The following ADCK1 variants were observed in gnomAD, a reference collection of about 807,000 sequenced individuals.
The protein encoded by ADCK1 is aarF domain containing kinase 1.
A neutral mutation model predicts 52.3 loss-of-function variants in ADCK1; 41 were observed. The observed-to-expected ratio is 0.78, with a 90% confidence interval of 0.61 to 1.02. ADCK1 has a LOEUF of 1.02. Among genes scored for constraint, ADCK1 ranks in the 50% least tolerant of loss-of-function variants. The pLI is 0.00. For synonymous variants in ADCK1, 250 were observed against 274.6 expected (o/e 0.91, Z 0.89); for missense variants, 658 against 679.5 (o/e 0.97, Z 0.35).
In ADCK1 at chr14:77,893,739, T is replaced by TCC. The variant is rs57365647; in HGVS notation, c.583-5361_583-5360insCC. Among the ~76,000 whole-genome samples the TCC allele has an allele frequency of 7.4e-5, 8 of 108,108 alleles. 1 individual carries two copies. The highest frequency in any genetic ancestry group is 8.9e-5 in the Admixed American group (1 of 11,212). The allele number at this position is 108,108 out of a possible 152,430, so 70.9% of individuals were successfully genotyped here. ...TTGTTTCTTCCCTTCCTTCCTTCCT[T>TCC]TTTTTTTTTTTTTTGACAGAGTCTC... On this transcript the variant is annotated intron_variant, in intron 5 of 10. Coordinates refer to ENST00000238561, the MANE Select transcript of ADCK1 (RefSeq NM_020421.4).
intron 4 of ADCK1, among the ~76,000 whole-genome samples, chr14:77,880,242 G>T (rs874025): frequency 0.53 from 80,641 of 152,096 alleles, 21,619 homozygotes; most frequent in South Asian, 0.65. Flanking sequence ...CAGAGCCAGG[G>T]GGGTGATGGC....
rs929370282 is a variant in ADCK1, at chr14:77,860,964, A to G, written c.423+1685A>G. ...GAGGGAGGTGGGACAAGGGCAGGTTAGTGGCTGTCCCCAAGCCAGGGTGGA... is the reference window on the plus strand; with the variant it reads ...GAGGGAGGTGGGACAAGGGCAGGTTGGTGGCTGTCCCCAAGCCAGGGTGGA... On this transcript the variant is annotated intron_variant, in intron 4 of 10. Transcript: ENST00000238561. Among the ~76,000 whole-genome samples, 5 of 152,104 alleles carry G rather than the reference A, an allele frequency of 3.3e-5. No homozygotes were observed. The South Asian group carries it at 1.0e-3, about 32-fold the overall frequency.
At chr14:77,925,577 C>G (rs375536008) in intron 8 of ADCK1, among the ~76,000 whole-genome samples, 187 bp from the exon 9 acceptor site, 1 of 152,170 alleles carries the variant, frequency 6.6e-6, no homozygotes, top group Non-Finnish European at 1.5e-5. Context: ...CACTCAGGGT[C>G]GAGGCTTGCC....
At position 77,931,674 on chromosome 14, in the gene ADCK1, C is replaced by T; in HGVS notation, c.1363C>T (p.Leu455Phe). ...LGTRASASSFLNMSRCCIRAL... is the reference protein window; with the variant it reads ...LGTRASASSFFNMSRCCIRAL... ...CACCCGCGCCAGCGCCAGCTCCTTT[C>T]TCAACATGTCACGTTGCTGCATCAG... is the stretch of plus-strand genomic sequence containing the variant. The change falls in exon 10 of 11, where the codon CTC becomes TTC. Residue 455 changes from leucine to phenylalanine, a missense_variant. Transcript: ENST00000238561. 1 of 1,607,730 alleles carries T rather than the reference C, an allele frequency of 6.2e-7. No individual in the cohort carries two copies. Among genetic ancestry groups the T allele is most frequent in the Non-Finnish European group, 8.5e-7 (1 of 1,179,982 alleles).
chr14:77,836,769 CTTTCT>C lies in ADCK1; in HGVS notation c.219+14255_219+14259del, dbSNP rs746427103. 1.1e-4 allele frequency among the ~76,000 whole-genome samples: 8 copies of C among 75,270 alleles called. No individual in the cohort carries two copies. The South Asian group carries it at 1.4e-3, about 13-fold the overall frequency. The allele number at this position is 75,270 out of a possible 152,430, so 49.4% of individuals were successfully genotyped here. A position where few individuals can be genotyped will look rare whatever the true frequency, so the allele number is the denominator to read the frequency against. On this transcript the variant is annotated intron_variant, in intron 3 of 10. Transcript: ENST00000238561. ...TATCTCCTCTACCTTTTCTTTCTTT[CTTTCT>C]TTTTTTTTTTTTTTTTTGAGATGGA...
chr14:77,868,761 A>G (rs1324295240), intron 4 of ADCK1, among the ~76,000 whole-genome samples: 1 of 152,144 alleles, frequency 6.6e-6, no homozygotes, highest in Non-Finnish European at 1.5e-5. Context: ...GGGACCCACC[A>G]CTTGTTGGTT....
rs188392988 is a variant in ADCK1 at position 77,883,208 on chromosome 14, C to T, written c.424-3883C>T. ...ACTGATTTTGCCGCTAGACCCAGAG[C>T]GGGGGAAAAAAAGAAATGGGGAAAG... On this transcript the variant is annotated intron_variant, in intron 4 of 10. Coordinates refer to ENST00000238561, the MANE Select transcript of ADCK1 (RefSeq NM_020421.4). Among the ~76,000 whole-genome samples the T allele has an allele frequency of 3.5e-3, 531 of 151,706 alleles. 2 individuals are homozygous for T. The Middle Eastern group carries it at 0.041, about 12-fold the overall frequency.
chr14:77,807,065 G>GTTTTTTT (rs1322028621), intron 1 of ADCK1, among the ~76,000 whole-genome samples: 4 of 52,316 alleles, frequency 7.6e-5, no homozygotes, highest in African/African-American at 3.8e-4. Flanking sequence ...TGGAGACAGA[G>GTTTTTTT]TCTTTTTTTT....
rs746207576 is a variant in ADCK1, at chr14:77,924,494, T to A, written c.896T>A (p.Ile299Asn). The change falls in exon 8 of 11, where the codon ATC (isoleucine) becomes AAC (asparagine). Residue 299 changes from isoleucine to asparagine, a missense_variant. Transcript: ENST00000238561. ...CTGGGCAAGATGTATAGTGAGATGA[T>A]CTTCGTCAATGGCTTCGTGCACTGC... ...RHLGKMYSEM[I>N]FVNGFVHCDP... 6.2e-7 allele frequency: 1 copy of A among 1,614,150 alleles called. No homozygotes were observed. The highest frequency in any genetic ancestry group is 8.5e-7 in the Non-Finnish European group (1 of 1,180,042).
At chr14:77,841,024 T>C (rs745541976) in intron 3 of ADCK1, among the ~76,000 whole-genome samples, 1 of 152,184 alleles carries the variant, frequency 6.6e-6, no homozygotes, top group Non-Finnish European at 1.5e-5. Flanking sequence ...CATTCATAGA[T>C]TCCAGGGAGC....
chr14:77,852,009 T>G (rs1276502400), intron 3 of ADCK1, among the ~76,000 whole-genome samples: 1 of 151,936 alleles, frequency 6.6e-6, no homozygotes, highest in Admixed American at 6.6e-5. Context: ...TATTTAATTT[T>G]TTTTTTTGAG....
intron 7 of ADCK1, among the ~76,000 whole-genome samples, chr14:77,910,761 C>T (rs772972097): frequency 9.9e-5 from 15 of 152,198 alleles, no homozygotes; most frequent in Non-Finnish European, 1.9e-4. Context: ...GAGTGCTGTG[C>T]CTGGCCGGAG....
chr14:77,925,227 C>T lies in ADCK1; in HGVS notation c.1009-537C>T, dbSNP rs969052779. ...AATGCATTAGTTTAGGGTAGGCTAG[C>T]TGTTTTCACATGTGGCCCCAAAATG... On this transcript the variant is annotated intron_variant, in intron 8 of 10. Coordinates refer to ENST00000238561, the MANE Select transcript of ADCK1 (RefSeq NM_020421.4). 1.3e-4 allele frequency among the ~76,000 whole-genome samples: 20 copies of T among 152,246 alleles called. 1 individual carries two copies. Among genetic ancestry groups the T allele is most frequent in the African/African-American group, 4.8e-4 (20 of 41,464 alleles).
intron 1 of ADCK1, 106 bp from the exon 2 acceptor site, chr14:77,818,862 T>C (rs1244891289): frequency 6.1e-6 from 8 of 1,310,954 alleles, no homozygotes; most frequent in Non-Finnish European, 7.4e-6. Context: ...AGATTAATGA[T>C]CCAAGGTCAT....
chr14:77,931,333 T>TA (rs2084327355), intron 9 of ADCK1, among the ~76,000 whole-genome samples, 185 bp from the exon 10 acceptor site: 1 of 152,218 alleles, frequency 6.6e-6, no homozygotes, highest in African/African-American at 2.4e-5. Context: ...TTTGTCAGGC[T>TA]ATACAGTGCC....
chr14:77,887,348 T>C, intron 5 of ADCK1, 99 bp downstream of exon 5: 3 of 1,341,328 alleles, frequency 2.2e-6, no homozygotes, highest in Non-Finnish European at 2.9e-6. Context: ...GAGTGGAGTG[T>C]GGCCCTTCAA....
chr14:77,843,363 T>G (rs1443334348), intron 3 of ADCK1, among the ~76,000 whole-genome samples: 1 of 152,220 alleles, frequency 6.6e-6, no homozygotes, highest in Non-Finnish European at 1.5e-5. Flanking sequence ...TTTTCTTGAC[T>G]GTAATTGCCA....
At chr14:77,850,992 G>A (rs996843669) in intron 3 of ADCK1, among the ~76,000 whole-genome samples, 6 of 151,740 alleles carry the variant, frequency 4.0e-5, no homozygotes, top group African/African-American at 1.5e-4. Flanking sequence ...TTGGGTTGGT[G>A]CAAAAGTAAT....
intron 1 of ADCK1, among the ~76,000 whole-genome samples, chr14:77,813,856 A>G (rs10148373): frequency 0.84 from 127,298 of 151,310 alleles, 53,567 homozygotes; most frequent in Middle Eastern, 0.87. Flanking sequence ...TGCAACCTCT[A>G]CCTCCTGTTC....
Sources: gnomAD v4.1 joint callset for allele counts (sites outside exome capture counted in the v4.1 genomes callset) on GRCh38, gnomAD v4.1.1 for gene constraint, MANE v1.5 for transcripts, NCBI Gene and HGNC (gene_info 2026-07-23, HGNC 2026-07-21) for gene names.